Variants in NRXN3 observed in about 807,000 individuals in gnomAD.
The protein encoded by NRXN3 is neurexin 3.
Under a neutral mutation model 137.6 loss-of-function variants are expected in NRXN3, and 32 were observed. That is an observed-to-expected ratio of 0.23 (90% CI 0.18 to 0.31). The LOEUF (loss-of-function observed/expected upper bound fraction) is 0.31, where lower values mean the gene tolerates loss of function less well. Among genes scored for constraint, NRXN3 ranks in the 10% least tolerant of loss-of-function variants. The probability of loss-of-function intolerance (pLI) is 1.00; values close to 1 mark genes in which losing one functional copy is unlikely to be tolerated. For synonymous variants in NRXN3, 798 were observed against 784.5 expected (o/e 1.02, Z -0.29); for missense variants, 1,574 against 2,062.5 (o/e 0.76, Z 4.59).
At chr14:78,214,676 A>G (rs1595975713) in intron 1 of NRXN3, among the ~76,000 whole-genome samples, 1 of 152,350 alleles carries the variant, frequency 6.6e-6, no homozygotes, top group African/African-American at 2.4e-5. Context: ...AGAGCGAGGC[A>G]CACTACTCCA....
rs536579017 is a variant in NRXN3 at position 78,519,317 on chromosome 14, G to A, written c.758-125803G>A. Among the ~76,000 whole-genome samples the A allele has an allele frequency of 3.4e-4, 52 of 152,214 alleles. 1 individual carries two copies. Among genetic ancestry groups the A allele is most frequent in the African/African-American group, 1.1e-3 (47 of 41,548 alleles). On this transcript the variant is annotated intron_variant, in intron 4 of 20. Transcript: ENST00000335750. The stretch of plus-strand genomic sequence containing the variant: ...AACTTGGGCTCTGATAAGTATGTAC[G>A]TAATGATCAAATCCCCCACATTTAC...
chr14:78,249,870 G>A (rs960442587), intron 2 of NRXN3, among the ~76,000 whole-genome samples: 3 of 152,108 alleles, frequency 2.0e-5, no homozygotes, highest in African/African-American at 7.2e-5. Flanking sequence ...GAGTATGGCT[G>A]CTGGAGGGAA....
At chr14:78,699,905 C>T (rs2098263005) in intron 6 of NRXN3, among the ~76,000 whole-genome samples, 1 of 152,126 alleles carries the variant, frequency 6.6e-6, no homozygotes, top group African/African-American at 2.4e-5. Context: ...ACAGGGAATG[C>T]ATTGGTTATC....
chr14:79,170,699 CT>C (rs2061695165), intron 15 of NRXN3, among the ~76,000 whole-genome samples: 1 of 152,084 alleles, frequency 6.6e-6, no homozygotes, highest in African/African-American at 2.4e-5. Context: ...TCTCCTGTCT[CT>C]GCACATTTGT....
At chr14:78,819,550 A>T (rs1252451238) in intron 10 of NRXN3, among the ~76,000 whole-genome samples, 2 of 152,124 alleles carry the variant, frequency 1.3e-5, no homozygotes, top group Non-Finnish European at 2.9e-5. Flanking sequence ...TGGTATTCAC[A>T]AGGGTCCTGG....
intron 6 of NRXN3, among the ~76,000 whole-genome samples, chr14:78,684,051 A>T (rs890627814): frequency 2.6e-5 from 4 of 152,162 alleles, no homozygotes; most frequent in Admixed American, 2.6e-4. Flanking sequence ...CTACTTGGAG[A>T]TCATATTGTC....
Position 79,338,196 on chromosome 14 carries a change from G to GGT in NRXN3, c.3263-129010_3263-129009dup, listed in dbSNP as rs796540610. Among the ~76,000 whole-genome samples the GGT allele has an allele frequency of 7.4e-3, 1,041 of 141,124 alleles. 10 individuals carry two copies. The highest frequency in any genetic ancestry group is 0.026 in the African/African-American group (960 of 36,278). 92.6% of individuals were successfully genotyped at this position (141,124 alleles called of 152,430 possible). A position where few individuals can be genotyped will look rare whatever the true frequency, so the allele number is the denominator to read the frequency against. On this transcript the variant is annotated intron_variant, in intron 15 of 20. Transcript: ENST00000335750. ...TTCTCCCATGAGCCCAGGCAGCCGG[G>GGT]GTGTGTGTGTGTGTGTATGTGAGTG...
At chr14:78,570,702 C>T (rs1403670310) in intron 4 of NRXN3, among the ~76,000 whole-genome samples, 1 of 152,174 alleles carries the variant, frequency 6.6e-6, no homozygotes. Context: ...AGGTGAATGT[C>T]CCTTGCTGTG....
chr14:78,492,630 C>G (rs984273618), intron 4 of NRXN3, among the ~76,000 whole-genome samples: 7 of 152,054 alleles, frequency 4.6e-5, no homozygotes, highest in Admixed American at 3.9e-4. Flanking sequence ...CCCCACAACC[C>G]CAGTATAAAG....
chr14:78,788,714 T>C (rs2098796567), intron 8 of NRXN3, among the ~76,000 whole-genome samples: 1 of 152,180 alleles, frequency 6.6e-6, no homozygotes, highest in African/African-American at 2.4e-5. Flanking sequence ...CCACTATCTC[T>C]TACCTATACC....
chr14:78,991,333 TG>T (rs1381619063), intron 15 of NRXN3, among the ~76,000 whole-genome samples: 4 of 152,232 alleles, frequency 2.6e-5, no homozygotes, highest in Non-Finnish European at 4.4e-5. Flanking sequence ...CAAGGAAACC[TG>T]GCTTTTACCT....
intron 10 of NRXN3, among the ~76,000 whole-genome samples, chr14:78,934,452 C>T (rs958767079): frequency 6.6e-6 from 1 of 152,138 alleles, no homozygotes; most frequent in Admixed American, 6.5e-5. Flanking sequence ...AAAGCATTTT[C>T]AGATCTCCTC....
intron 8 of NRXN3, chr14:78,744,469 C>G (rs1476675998): frequency 6.6e-6 from 1 of 152,104 alleles, no homozygotes; most frequent in East Asian, 1.9e-4. Context: ...GTGTGTTTGC[C>G]TTGGAGAAAA....
chr14:79,733,191 G>A (rs2098930102), intron 19 of NRXN3, among the ~76,000 whole-genome samples: 1 of 152,134 alleles, frequency 6.6e-6, no homozygotes, highest in African/African-American at 2.4e-5. Context: ...AAGCTCTGAT[G>A]ATAAATTTTT....
At chr14:79,840,253 G>T (rs920488046) in intron 20 of NRXN3, among the ~76,000 whole-genome samples, 3 of 152,090 alleles carry the variant, frequency 2.0e-5, no homozygotes, top group East Asian at 3.9e-4. Flanking sequence ...ATCTAATTTT[G>T]CATGAGTCCC....
At chr14:79,329,451 T>C (rs577626483) in intron 15 of NRXN3, among the ~76,000 whole-genome samples, 2 of 152,288 alleles carry the variant, frequency 1.3e-5, no homozygotes, top group African/African-American at 4.8e-5. Context: ...CCTGTGTGAC[T>C]CTACTGGCTG....
intron 15 of NRXN3, among the ~76,000 whole-genome samples, chr14:78,995,978 G>C (rs1457525069): frequency 6.6e-6 from 1 of 151,944 alleles, no homozygotes; most frequent in African/African-American, 2.4e-5. Flanking sequence ...TCTGTACTCT[G>C]GGCCCCCGCT....
At chr14:79,225,812 G>A (rs2070754602) in intron 15 of NRXN3, among the ~76,000 whole-genome samples, 1 of 152,130 alleles carries the variant, frequency 6.6e-6, no homozygotes, top group Non-Finnish European at 1.5e-5. Flanking sequence ...GTGGTTGAAG[G>A]ATGGAGATCT....
At chr14:78,805,119 T>TG (rs2098854796) in intron 9 of NRXN3, among the ~76,000 whole-genome samples, 1 of 152,080 alleles carries the variant, frequency 6.6e-6, no homozygotes, top group Non-Finnish European at 1.5e-5. Context: ...CTAAAATCTC[T>TG]GGGACACAAA....
Sources: gnomAD v4.1 joint callset for allele counts (sites outside exome capture counted in the v4.1 genomes callset) on GRCh38, gnomAD v4.1.1 for gene constraint, MANE v1.5 for transcripts, NCBI Gene and HGNC (gene_info 2026-07-23, HGNC 2026-07-21) for gene names.